Variants in CLSTN2 observed in about 807,000 individuals in gnomAD.
CLSTN2 encodes calsyntenin 2, also known as calsyntenin-2.
A neutral mutation model predicts 101.2 loss-of-function variants in CLSTN2; 48 were observed. That is an observed-to-expected ratio of 0.47 (90% CI 0.38 to 0.60). CLSTN2 has a LOEUF of 0.60. Among genes scored for constraint, CLSTN2 ranks in the 20% least tolerant of loss-of-function variants. CLSTN2 has a pLI of 0.00. For missense variants in CLSTN2, 1,160 were observed against 1,238.2 expected (o/e 0.94, Z 0.95); for synonymous variants, 481 against 463.6 (o/e 1.04, Z -0.48).
intron 1 of CLSTN2, among the ~76,000 whole-genome samples, chr3:139,961,237 C>T (rs576847797): frequency 6.6e-6 from 1 of 152,202 alleles, no homozygotes; most frequent in Non-Finnish European, 1.5e-5. Flanking sequence ...CACATCCCCC[C>T]ACCCCCAGGG....
intron 1 of CLSTN2, among the ~76,000 whole-genome samples, chr3:140,078,718 C>A (rs2008537393): frequency 6.6e-6 from 1 of 152,136 alleles, no homozygotes; most frequent in African/African-American, 2.4e-5. Flanking sequence ...AGGGGAAAAT[C>A]AATAGTATTA....
chr3:140,403,840 G>C lies in CLSTN2; in HGVS notation c.428+16G>C, dbSNP rs771791174. ...AGTCACACAAGTGAGTGGCCTGACA[G>C]AGCCCTCTGGACGCCCCTCCCTCCC... On this transcript the variant is annotated intron_variant, in intron 3 of 16. Coordinates refer to ENST00000458420, the MANE Select transcript of CLSTN2 (RefSeq NM_022131.3). 6.3e-7 allele frequency: 1 copy of C among 1,595,408 alleles called. No individual in the cohort carries two copies. The highest frequency in any genetic ancestry group is 1.1e-5 in the South Asian group (1 of 88,046).
rs772888247 is a variant in CLSTN2, at chr3:140,014,772, G to A, written c.109+79289G>A. On this transcript the variant is annotated intron_variant, in intron 1 of 16. Coordinates refer to ENST00000458420, the MANE Select transcript of CLSTN2 (RefSeq NM_022131.3). Reference sequence around the variant, plus strand: ...GTCAGAGACAGGATGAGATGGCAGAGTGTGCAGGAGGATGGGAGTGATCAG... The same window carrying A: ...GTCAGAGACAGGATGAGATGGCAGAATGTGCAGGAGGATGGGAGTGATCAG... Among the ~76,000 whole-genome samples, 4 of 152,286 alleles carry A rather than the reference G, an allele frequency of 2.6e-5. No individual in the cohort carries two copies. In the South Asian group the frequency reaches 8.3e-4, roughly 32 times the overall value.
At chr3:140,106,998 T>C (rs1021546251) in intron 1 of CLSTN2, among the ~76,000 whole-genome samples, 1 of 152,226 alleles carries the variant, frequency 6.6e-6, no homozygotes, top group African/African-American at 2.4e-5. Flanking sequence ...TTTGTCCTTT[T>C]TTAATGCAAT....
chr3:140,454,056 C>A (rs1027862418), intron 6 of CLSTN2, among the ~76,000 whole-genome samples: 13 of 152,126 alleles, frequency 8.5e-5, no homozygotes, highest in African/African-American at 3.1e-4. Flanking sequence ...ATGAAGTGGG[C>A]CTTTTACTTT....
At chr3:140,039,329 TA>T (rs146878164) in intron 1 of CLSTN2, among the ~76,000 whole-genome samples, 7,184 of 151,934 alleles carry the variant, frequency 0.047, 523 homozygotes, top group African/African-American at 0.15. Flanking sequence ...CTTTTAATGG[TA>T]AAAAAAACAG....
At chr3:140,097,309 G>A (rs2008885143) in intron 1 of CLSTN2, among the ~76,000 whole-genome samples, 1 of 152,156 alleles carries the variant, frequency 6.6e-6, no homozygotes, top group South Asian at 2.1e-4. Context: ...CAGTGGTCCT[G>A]TCCTCTCTCT....
At chr3:140,403,062 C>T (rs992731295) in intron 2 of CLSTN2, among the ~76,000 whole-genome samples, 28 of 152,280 alleles carry the variant, frequency 1.8e-4, no homozygotes, top group Non-Finnish European at 3.7e-4. Flanking sequence ...ATTATCATGG[C>T]ATTATAATTT....
At chr3:140,110,825 G>A (rs2009142983) in intron 1 of CLSTN2, among the ~76,000 whole-genome samples, 1 of 152,144 alleles carries the variant, frequency 6.6e-6, no homozygotes, top group Non-Finnish European at 1.5e-5. Context: ...CTGGAGGAGG[G>A]CTGTTGGCTT....
At chr3:140,450,183 A>G (rs1933211089) in intron 6 of CLSTN2, 1 of 152,128 alleles carries the variant, frequency 6.6e-6, no homozygotes, top group Non-Finnish European at 1.5e-5. Flanking sequence ...TAGAGGTGAA[A>G]AATTTGAGGC....
intron 2 of CLSTN2, among the ~76,000 whole-genome samples, chr3:140,245,183 C>T (rs760327158): frequency 5.5e-4 from 84 of 152,192 alleles, no homozygotes; most frequent in Non-Finnish European, 7.6e-4. Flanking sequence ...GCTGTTATTC[C>T]TCAGGGCTTA....
intron 11 of CLSTN2, 51 bp downstream of exon 11, chr3:140,556,712 G>A (rs556577984): frequency 1.9e-6 from 3 of 1,573,966 alleles, no homozygotes; most frequent in East Asian, 2.3e-5. Context: ...AGTTGGGAAG[G>A]TCCCAACTGA....
intron 1 of CLSTN2, among the ~76,000 whole-genome samples, chr3:140,122,112 T>C (rs2107799675): frequency 6.6e-6 from 1 of 152,326 alleles, no homozygotes; most frequent in Middle Eastern, 3.4e-3. Context: ...CCATGGTCTC[T>C]CTCCTGTTCT....
intron 2 of CLSTN2, among the ~76,000 whole-genome samples, chr3:140,216,582 T>C (rs1263978159): frequency 6.6e-6 from 1 of 152,158 alleles, no homozygotes; most frequent in African/African-American, 2.4e-5. Flanking sequence ...AGTTGCTGAT[T>C]AGAATGCTAG....
At chr3:140,097,449 C>T (rs1006315327) in intron 1 of CLSTN2, among the ~76,000 whole-genome samples, 1 of 152,208 alleles carries the variant, frequency 6.6e-6, no homozygotes, top group Non-Finnish European at 1.5e-5. Context: ...ATAATGCTCA[C>T]AGCAGCCAAT....
At chr3:140,558,039 A>G (rs1393339633) in intron 11 of CLSTN2, among the ~76,000 whole-genome samples, 1 of 152,264 alleles carries the variant, frequency 6.6e-6, no homozygotes, top group Non-Finnish European at 1.5e-5. Context: ...TACCCAGCCC[A>G]GAAGTGTCAG....
chr3:140,205,618 G>GCCA (rs1553721845), intron 2 of CLSTN2, among the ~76,000 whole-genome samples: 1 of 67,172 alleles, frequency 1.5e-5, no homozygotes, highest in Non-Finnish European at 3.7e-5. Context: ...GACCTGACCC[G>GCCA]CCCCCCACCC....
intron 2 of CLSTN2, among the ~76,000 whole-genome samples, chr3:140,346,812 G>A (rs2087551114): frequency 6.6e-6 from 1 of 152,150 alleles, no homozygotes; most frequent in Non-Finnish European, 1.5e-5. Context: ...TGGATAAAGA[G>A]GGAAGTGTAT....
At chr3:140,362,562 A>G (rs1346354740) in intron 2 of CLSTN2, among the ~76,000 whole-genome samples, 2 of 152,208 alleles carry the variant, frequency 1.3e-5, no homozygotes, top group South Asian at 2.1e-4. Context: ...TACAAATCAT[A>G]TATCTATTAA....
Sources: allele counts gnomAD v4.1 joint callset (sites outside exome capture counted in the v4.1 genomes callset), GRCh38; gene constraint gnomAD v4.1.1; transcripts MANE v1.5; gene names NCBI Gene and HGNC (gene_info 2026-07-23, HGNC 2026-07-21).